The following GCN1 variants were observed in gnomAD, a reference collection of about 807,000 sequenced individuals.
GCN1 encodes the protein stalled ribosome sensor GCN1.
GCN1 carries 90 observed loss-of-function variants against 288.4 expected under a neutral mutation model. The observed-to-expected ratio is 0.31, with a 90% CI of 0.26 to 0.37. The LOEUF (loss-of-function observed/expected upper bound fraction) is 0.37. GCN1 is among the 10% of genes least tolerant of loss of function. The probability of loss-of-function intolerance (pLI) is 1.00; values close to 1 mark genes in which losing one functional copy is unlikely to be tolerated. For missense variants in GCN1, 2,586 were observed against 3,419.9 expected, an observed-to-expected ratio of 0.76 and a Z score of 6.08; for synonymous variants, 1,386 against 1,420.2, an observed-to-expected ratio of 0.98 and a Z score of 0.54.
intron 38 of GCN1, 53 bp from the exon 39 acceptor site, chr12:120,145,383 G>T: frequency 7.3e-7 from 1 of 1,378,796 alleles, no homozygotes; most frequent in Non-Finnish European, 9.8e-7. Flanking sequence ...GCTTTCTCCA[G>T]GCCTGTTCCA....
In GCN1 at chr12:120,131,175, A is replaced by G; in HGVS notation, c.7563+10T>C. Reference sequence around the variant, plus strand: ...GCCTATGCCTATGGGATATGGCCCGAATGCCTTACCCTGTCCGCCGTGGCA... The same window carrying G: ...GCCTATGCCTATGGGATATGGCCCGGATGCCTTACCCTGTCCGCCGTGGCA... On this transcript the variant is annotated intron_variant, in intron 55 of 57. Coordinates refer to ENST00000300648, the MANE Select transcript of GCN1 (RefSeq NM_006836.2). 1 of 1,613,672 alleles carries G rather than the reference A, an allele frequency of 6.2e-7. No individual in the cohort carries two copies. The highest frequency in any genetic ancestry group is 8.5e-7 in the Non-Finnish European group (1 of 1,179,594).
rs1372732485 is a variant in GCN1, at chr12:120,182,901, C to T, written c.426+668G>A. 6.7e-5 allele frequency among the ~76,000 whole-genome samples: 10 copies of T among 149,642 alleles called. No homozygotes were observed. The East Asian group carries it at 2.0e-3, about 30-fold the overall frequency. ...GTTGCAGTGAGCCAACACCACTGCA[C>T]TCCAGCCTGAGCAACAGAGCAAGAC... On this transcript the variant is annotated intron_variant, in intron 5 of 57. Coordinates refer to ENST00000300648, the MANE Select transcript of GCN1 (RefSeq NM_006836.2).
chr12:120,175,685 G>C, intron 11 of GCN1, 61 bp downstream of exon 11: 1 of 1,545,290 alleles, frequency 6.5e-7, no homozygotes, highest in Non-Finnish European at 8.7e-7. Flanking sequence ...TCAGATCCCA[G>C]TTGAGGGAAA....
At position 120,127,667 on chromosome 12, in the gene GCN1, T is replaced by C. The variant is rs1030016527; in HGVS notation, c.*182A>G. The C allele has an allele frequency of 1.4e-4, 96 of 686,180 alleles. No individual in the cohort carries two copies. Among genetic ancestry groups the C allele is most frequent in the South Asian group, 1.4e-3 (76 of 55,310 alleles). The allele number at this position is 686,180 out of a possible 1,614,324, so 42.5% of individuals were successfully genotyped here. On this transcript the variant is annotated 3_prime_UTR_variant, in exon 58 of 58. Transcript: ENST00000300648. ...CTTCTCCACAGGAAAAGGTGAGAGATGGAGGAGGCAATTTTCAGTTGTGTG... is the reference window on the plus strand; with the variant it reads ...CTTCTCCACAGGAAAAGGTGAGAGACGGAGGAGGCAATTTTCAGTTGTGTG...
At chr12:120,185,213 A>T (rs1369096985) in intron 2 of GCN1, among the ~76,000 whole-genome samples, 1 of 152,216 alleles carries the variant, frequency 6.6e-6, no homozygotes, top group Admixed American at 6.5e-5. Context: ...GGTGTTTAAC[A>T]TGTGATGATT....
At position 120,174,062 on chromosome 12, in the gene GCN1, CAG is replaced by C. The variant is rs1414500192; in HGVS notation, c.1192+7_1192+8del. 1 of 1,524,066 alleles carries C rather than the reference CAG, an allele frequency of 6.6e-7. No individual in the cohort carries two copies. Among genetic ancestry groups the C allele is most frequent in the East Asian group, 2.2e-5 (1 of 44,500 alleles). The allele number at this position is 1,524,066 out of a possible 1,614,324, so 94.4% of individuals were successfully genotyped here. The stretch of plus-strand genomic sequence containing the variant: ...CAGAACGCATGCTCACCATGTTGCA[CAG>C]AATTACCTTCCTGCTGAAGGAACGG... On this transcript the variant is annotated splice_region_variant and intron_variant, in intron 13 of 57. Coordinates refer to ENST00000300648, the MANE Select transcript of GCN1 (RefSeq NM_006836.2).
intron 8 of GCN1, 40 bp downstream of exon 8, chr12:120,177,644 G>A: frequency 6.4e-7 from 1 of 1,568,122 alleles, no homozygotes; most frequent in Non-Finnish European, 8.8e-7. Context: ...TTGAAAATGG[G>A]ATCAGTTGTC....
At chr12:120,140,211 G>C (rs957348478) in intron 45 of GCN1, among the ~76,000 whole-genome samples, 1 of 152,124 alleles carries the variant, frequency 6.6e-6, no homozygotes, top group Non-Finnish European at 1.5e-5. Context: ...CATTTCTAGC[G>C]GGCCATCCAC....
At chr12:120,177,873 T>G in intron 7 of GCN1, 121 bp from the exon 8 acceptor site, 1 of 773,434 alleles carries the variant, frequency 1.3e-6, no homozygotes, top group South Asian at 1.4e-5. Context: ...AATTTCAGTG[T>G]TAAGCATAGA....
Position 120,138,429 on chromosome 12 carries a change from TG to T in GCN1, c.6157-15del. 6 of 1,528,082 alleles carry T rather than the reference TG, an allele frequency of 3.9e-6. No homozygotes were observed. Among genetic ancestry groups the T allele is most frequent in the Non-Finnish European group, 5.4e-6 (6 of 1,101,358 alleles). 94.7% of individuals were successfully genotyped at this position (1,528,082 alleles called of 1,614,324 possible). ...CTCCTCGTCATCCTGCAGAGGGTGT[TG>T]GGGACAACCCTGAGGAATCTGCATC... On this transcript the variant is annotated splice_polypyrimidine_tract_variant and intron_variant, in intron 46 of 57. Coordinates refer to ENST00000300648, the MANE Select transcript of GCN1 (RefSeq NM_006836.2).
chr12:120,150,964 A>G (rs1341624568), intron 34 of GCN1, among the ~76,000 whole-genome samples, 181 bp downstream of exon 34: 3 of 152,074 alleles, frequency 2.0e-5, no homozygotes, highest in African/African-American at 4.8e-5. Flanking sequence ...AAGAAAAAAA[A>G]ATTTGCAAGT....
At chr12:120,143,556 T>G (rs1336232703) in intron 42 of GCN1, among the ~76,000 whole-genome samples, 2 of 144,124 alleles carry the variant, frequency 1.4e-5, no homozygotes, top group Non-Finnish European at 3.0e-5. Context: ...CACTCCAGCC[T>G]GGGTGACAGA....
intron 14 of GCN1, among the ~76,000 whole-genome samples, chr12:120,172,317 G>C (rs530945700): frequency 2.0e-5 from 3 of 152,302 alleles, no homozygotes; most frequent in Middle Eastern, 3.4e-3. Context: ...GCACAAAGAT[G>C]ATCTATGATT....
At chr12:120,157,749 A>G in intron 26 of GCN1, 100 bp downstream of exon 26, 2 of 988,464 alleles carry the variant, frequency 2.0e-6, no homozygotes, top group African/African-American at 1.6e-5. Context: ...TACACTCTCT[A>G]TTTCCCCACC....
At chr12:120,130,561 G>A (rs1876782660) in intron 56 of GCN1, 85 bp downstream of exon 56, 4 of 855,702 alleles carry the variant, frequency 4.7e-6, no homozygotes, top group Admixed American at 1.7e-5. Flanking sequence ...AACTAGTTGA[G>A]GGCGCACTGC....
At chr12:120,164,233 A>G (rs918142856) in intron 18 of GCN1, 103 bp downstream of exon 18, 2 of 918,556 alleles carry the variant, frequency 2.2e-6, no homozygotes, top group Non-Finnish European at 3.4e-6. Context: ...CACACAGATT[A>G]AGAAAGAACA....
At chr12:120,179,775 A>C (rs926526166) in intron 5 of GCN1, among the ~76,000 whole-genome samples, 7 of 151,638 alleles carry the variant, frequency 4.6e-5, no homozygotes, top group African/African-American at 1.5e-4. Context: ...ATGAACATAC[A>C]ATTTCAGTGA....
rs1200053577 is a variant in GCN1 at position 120,148,329 on chromosome 12, C to G, written c.4564G>C (p.Gly1522Arg). The change falls in exon 37 of 58, where the codon GGG becomes CGG. Residue 1522 changes from glycine to arginine, a missense_variant. By Grantham distance (125) the Gly-to-Arg change is moderately radical (BLOSUM62 -2). This residue lies in a region of GCN1 where 371 missense variants were observed against 572.6 expected (regional missense o/e 0.65). Transcript: ENST00000300648. Reference protein sequence around the residue: ...RTKAGSVELLGAMAYCAPKQL... With the variant: ...RTKAGSVELLRAMAYCAPKQL... ...TTAGGAGCACAGTACGCCATTGCCC[C>G]AAGAAGCTCCACTGACCCTGTGGAT... The G allele has an allele frequency of 6.2e-7, 1 of 1,613,328 alleles. No individual in the cohort carries two copies. The highest frequency in any genetic ancestry group is 8.5e-7 in the Non-Finnish European group (1 of 1,179,534).
At chr12:120,172,142 G>C (rs1443225362) in intron 14 of GCN1, among the ~76,000 whole-genome samples, 1 of 152,168 alleles carries the variant, frequency 6.6e-6, no homozygotes, top group Non-Finnish European at 1.5e-5. Flanking sequence ...GGGATTACAG[G>C]CGTGAGCCAG....
Sources: allele counts gnomAD v4.1 joint callset (sites outside exome capture counted in the v4.1 genomes callset), GRCh38; gene constraint gnomAD v4.1.1; regional missense constraint gnomAD v4.1.1; transcripts MANE v1.5; gene names NCBI Gene and HGNC (gene_info 2026-07-23, HGNC 2026-07-21).